The following ATP2B1 variants were observed in gnomAD, a reference collection of about 807,000 sequenced individuals.
ATP2B1 encodes the protein plasma membrane calcium-transporting ATPase 1.
ATP2B1 carries 14 observed loss-of-function variants against 124.2 expected under a neutral mutation model. That is an observed-to-expected ratio of 0.11 (90% CI 0.07 to 0.18). The LOEUF is 0.18. Among genes scored for constraint, ATP2B1 ranks in the 10% least tolerant of loss-of-function variants. The pLI is 1.00. For missense variants in ATP2B1, 763 were observed against 1,466.1 expected (o/e 0.52, Z 7.83); for synonymous variants, 449 against 492.4 (o/e 0.91, Z 1.17).
intron 10 of ATP2B1, among the ~76,000 whole-genome samples, chr12:89,621,104 G>A (rs1017914024): frequency 1.3e-5 from 2 of 152,008 alleles, no homozygotes; most frequent in African/African-American, 4.8e-5. Flanking sequence ...AAAGGTCTAA[G>A]GACCACCTTT....
At chr12:89,692,326 T>C (rs1160334669) in intron 1 of ATP2B1, among the ~76,000 whole-genome samples, 1 of 152,200 alleles carries the variant, frequency 6.6e-6, no homozygotes, top group Non-Finnish European at 1.5e-5. Context: ...TTGAATAATA[T>C]TTCATTTAAC....
intron 12 of ATP2B1, among the ~76,000 whole-genome samples, chr12:89,614,961 G>A (rs975562866): frequency 1.3e-5 from 2 of 151,848 alleles, no homozygotes; most frequent in African/African-American, 4.8e-5. Flanking sequence ...TGTCTTACAC[G>A]TACCCAAAAT....
At chr12:89,624,517 G>T in intron 8 of ATP2B1, 120 bp from the exon 9 acceptor site, 2 of 850,288 alleles carry the variant, frequency 2.4e-6, no homozygotes, top group Non-Finnish European at 3.5e-6. Flanking sequence ...GAATTTCTCT[G>T]AGAAATTACT....
intron 15 of ATP2B1, among the ~76,000 whole-genome samples, chr12:89,608,213 G>C (rs867677177): frequency 6.6e-6 from 1 of 152,084 alleles, no homozygotes; most frequent in Non-Finnish European, 1.5e-5. Context: ...CTGTCACCTA[G>C]GCTGGAGTGC....
At chr12:89,700,742 TATG>T in intron 1 of ATP2B1, among the ~76,000 whole-genome samples, 1 of 152,322 alleles carries the variant, frequency 6.6e-6, no homozygotes, top group Non-Finnish European at 1.5e-5. Flanking sequence ...ACAATTTTAT[TATG>T]ATTATTATTG....
chr12:89,700,378 G>A (rs1411620128), intron 1 of ATP2B1, among the ~76,000 whole-genome samples: 1 of 152,042 alleles, frequency 6.6e-6, no homozygotes, highest in African/African-American at 2.4e-5. Flanking sequence ...TCTCCGCTAT[G>A]GTATTAGTTG....
chr12:89,694,530 C>A (rs936650866), intron 1 of ATP2B1, among the ~76,000 whole-genome samples: 1 of 152,130 alleles, frequency 6.6e-6, no homozygotes, highest in Non-Finnish European at 1.5e-5. Context: ...TCCCTCCACT[C>A]GGAAATAAGG....
At chr12:89,595,232 C>G (rs1874354014) in intron 20 of ATP2B1, among the ~76,000 whole-genome samples, 1 of 152,144 alleles carries the variant, frequency 6.6e-6, no homozygotes, top group Admixed American at 6.6e-5. Flanking sequence ...CCAGTAACAA[C>G]TTATTTCCAA....
At chr12:89,694,998 C>T (rs1255563036) in intron 1 of ATP2B1, among the ~76,000 whole-genome samples, 2 of 146,984 alleles carry the variant, frequency 1.4e-5, no homozygotes, top group African/African-American at 5.0e-5. Flanking sequence ...ATCGAGTCTG[C>T]AGTGAGCCAT....
chr12:89,598,815 T>C (rs1314246880), intron 20 of ATP2B1: 1 of 1,558,264 alleles, frequency 6.4e-7, no homozygotes, highest in Non-Finnish European at 8.7e-7. Context: ...GACCATTCCA[T>C]CTATCAACAT....
At chr12:89,645,927 T>A (rs1161603069) in intron 2 of ATP2B1, among the ~76,000 whole-genome samples, 1 of 152,142 alleles carries the variant, frequency 6.6e-6, no homozygotes, top group African/African-American at 2.4e-5. Context: ...AAAGACCAGT[T>A]GGGAGGTTGC....
chr12:89,668,420 C>A (rs1239908720), intron 1 of ATP2B1, among the ~76,000 whole-genome samples: 1 of 152,100 alleles, frequency 6.6e-6, no homozygotes, highest in African/African-American at 2.4e-5. Flanking sequence ...GAAATGTAAC[C>A]AAAACTGTGG....
At chr12:89,660,857 G>A (rs1438222164) in intron 1 of ATP2B1, among the ~76,000 whole-genome samples, 1 of 152,138 alleles carries the variant, frequency 6.6e-6, no homozygotes, top group African/African-American at 2.4e-5. Flanking sequence ...GGTTTAATAA[G>A]ATTTTTAAAA....
intron 1 of ATP2B1, among the ~76,000 whole-genome samples, chr12:89,693,573 AT>A (rs1890780557): frequency 1.3e-5 from 2 of 149,444 alleles, no homozygotes; most frequent in South Asian, 4.3e-4. Flanking sequence ...GTCCATGCCT[AT>A]TAAGTTTTGT....
intron 20 of ATP2B1, among the ~76,000 whole-genome samples, chr12:89,597,834 T>C (rs1874938021): frequency 6.6e-6 from 1 of 151,780 alleles, no homozygotes; most frequent in African/African-American, 2.4e-5. Flanking sequence ...TTATTGAAAA[T>C]TACAACATTT....
chr12:89,634,749 G>C (rs1246751868), intron 5 of ATP2B1, 29 bp downstream of exon 5: 2 of 1,547,608 alleles, frequency 1.3e-6, no homozygotes, highest in African/African-American at 1.4e-5. Flanking sequence ...AAAGAGGAAA[G>C]TGTTCAAAGA....
intron 6 of ATP2B1, among the ~76,000 whole-genome samples, chr12:89,628,709 C>A (rs1216506937): frequency 2.0e-5 from 3 of 152,186 alleles, no homozygotes; most frequent in East Asian, 3.9e-4. Context: ...ATCCTATATT[C>A]TTCTAGCTTC....
At chr12:89,683,724 TTTTACACAATTAAG>T (rs1418673019) in intron 1 of ATP2B1, among the ~76,000 whole-genome samples, 1 of 152,114 alleles carries the variant, frequency 6.6e-6, no homozygotes, top group East Asian at 1.9e-4. Flanking sequence ...AAAACAACTG[TTTTACACAATTAAG>T]TTTGGGGTGG....
chr12:89,624,122 A>C, intron 9 of ATP2B1, 61 bp downstream of exon 9: 1 of 1,465,942 alleles, frequency 6.8e-7, no homozygotes, highest in Non-Finnish European at 9.4e-7. Context: ...CTAGATGGGC[A>C]TTTTCTATAC....
Sources: allele counts gnomAD v4.1 joint callset (sites outside exome capture counted in the v4.1 genomes callset), GRCh38; gene constraint gnomAD v4.1.1; transcripts MANE v1.5; gene names NCBI Gene and HGNC (gene_info 2026-07-23, HGNC 2026-07-21).